Variants in PRKD1 observed in about 807,000 individuals in gnomAD.
PRKD1 encodes the protein serine/threonine-protein kinase D1.
PRKD1 carries 63 observed loss-of-function variants against 95.9 expected under a neutral mutation model. The ratio of observed to expected loss-of-function variants is 0.66; its 90% CI spans 0.54 to 0.81. The LOEUF is 0.81. PRKD1 is among the 30% of genes least tolerant of loss of function. The pLI is 0.00. For missense variants in PRKD1, 1,048 were observed against 1,165.3 expected, an observed-to-expected ratio of 0.90 and a Z score of 1.47; for synonymous variants, 425 against 423.1, an observed-to-expected ratio of 1.00 and a Z score of -0.05.
At chr14:29,770,540 T>A (rs1298999875) in intron 1 of PRKD1, among the ~76,000 whole-genome samples, 2 of 151,892 alleles carry the variant, frequency 1.3e-5, no homozygotes, top group Non-Finnish European at 2.9e-5. Context: ...GTGAAGAGTG[T>A]GGTATTGGAA....
At chr14:29,779,389 C>T (rs2139163254) in intron 1 of PRKD1, among the ~76,000 whole-genome samples, 1 of 152,288 alleles carries the variant, frequency 6.6e-6, no homozygotes, top group Non-Finnish European at 1.5e-5. Flanking sequence ...TAGAAAACCC[C>T]ATCGTCTCAG....
chr14:29,895,233 C>T (rs1894081728), intron 1 of PRKD1, among the ~76,000 whole-genome samples: 2 of 152,144 alleles, frequency 1.3e-5, no homozygotes, highest in Non-Finnish European at 2.9e-5. Flanking sequence ...AGGAGACTCG[C>T]TTGAACCCGG....
At chr14:29,848,853 T>C (rs776320826) in intron 1 of PRKD1, among the ~76,000 whole-genome samples, 1 of 152,152 alleles carries the variant, frequency 6.6e-6, no homozygotes, top group Non-Finnish European at 1.5e-5. Flanking sequence ...AAATAATATA[T>C]GGCAAAGGAT....
intron 2 of PRKD1, among the ~76,000 whole-genome samples, chr14:29,700,179 A>T (rs1884756226): frequency 6.6e-6 from 1 of 152,034 alleles, no homozygotes; most frequent in Non-Finnish European, 1.5e-5. Context: ...ACATTTCTTT[A>T]AAAAAACCAG....
At chr14:29,839,715 C>G (rs1209057713) in intron 1 of PRKD1, among the ~76,000 whole-genome samples, 1 of 151,914 alleles carries the variant, frequency 6.6e-6, no homozygotes, top group African/African-American at 2.4e-5. Flanking sequence ...CAGAGGTTTC[C>G]AAACCTCTGC....
At chr14:29,656,512 G>T (rs1336581134) in intron 4 of PRKD1, 1 of 1,535,238 alleles carries the variant, frequency 6.5e-7, no homozygotes, top group Non-Finnish European at 8.7e-7. Flanking sequence ...GAAACATGAA[G>T]TTGTAAGAGC....
At chr14:29,848,809 A>C (rs1370166138) in intron 1 of PRKD1, among the ~76,000 whole-genome samples, 1 of 152,236 alleles carries the variant, frequency 6.6e-6, no homozygotes, top group Non-Finnish European at 1.5e-5. Flanking sequence ...AAAGATGCTC[A>C]AAGAACTGAA....
chr14:29,879,656 G>C (rs945312846), intron 1 of PRKD1, among the ~76,000 whole-genome samples: 2 of 152,174 alleles, frequency 1.3e-5, no homozygotes, highest in Admixed American at 1.3e-4. Context: ...GGTTGGAACA[G>C]TTTGGAGGGC....
Position 29,675,964 on chromosome 14 carries a change from C to T in PRKD1, c.404-9756G>A, listed in dbSNP as rs548664953. On this transcript the variant is annotated intron_variant, in intron 2 of 17. Transcript: ENST00000331968. The stretch of plus-strand genomic sequence containing the variant: ...TGGACACAGGAAGGGGAACATCACA[C>T]ATCGGGGCCTGTCGTGGGGTGGGGG... Among the ~76,000 whole-genome samples the T allele has an allele frequency of 1.4e-3, 171 of 123,760 alleles. 1 individual carries two copies. Among genetic ancestry groups the T allele is most frequent in the African/African-American group, 4.8e-3 (152 of 31,722 alleles). The allele number at this position is 123,760 out of a possible 152,430, so 81.2% of individuals were successfully genotyped here.
intron 1 of PRKD1, among the ~76,000 whole-genome samples, chr14:29,856,464 T>C (rs1892507564): frequency 6.6e-6 from 1 of 152,180 alleles, no homozygotes; most frequent in African/African-American, 2.4e-5. Context: ...GGTATTTTTA[T>C]AGGGGATAAA....
chr14:29,595,787 TTTGA>T (rs1212704349), intron 16 of PRKD1, among the ~76,000 whole-genome samples: 8 of 152,112 alleles, frequency 5.3e-5, no homozygotes, highest in African/African-American at 1.9e-4. Context: ...CAGGAAAGTG[TTTGA>T]TTGGCTTCAG....
At chr14:29,782,193 T>C (rs1363777764) in intron 1 of PRKD1, among the ~76,000 whole-genome samples, 1 of 152,236 alleles carries the variant, frequency 6.6e-6, no homozygotes, top group East Asian at 1.9e-4. Context: ...TCTGATGTAC[T>C]GGTAAACATT....
chr14:29,681,325 C>T (rs916000023), intron 2 of PRKD1, among the ~76,000 whole-genome samples: 1 of 152,018 alleles, frequency 6.6e-6, no homozygotes, highest in Non-Finnish European at 1.5e-5. Flanking sequence ...CTTCCTGGCC[C>T]TTTCTGTCAC....
At chr14:29,887,043 G>A (rs942633549) in intron 1 of PRKD1, among the ~76,000 whole-genome samples, 3 of 152,184 alleles carry the variant, frequency 2.0e-5, no homozygotes, top group Non-Finnish European at 4.4e-5. Context: ...GTGTGGATTA[G>A]CATAATTTTT....
chr14:29,808,373 CTTTTTTTTTTTTTTTTTTTT>C (rs34250184), intron 1 of PRKD1, among the ~76,000 whole-genome samples: 339 of 19,984 alleles, frequency 0.017, no homozygotes, highest in African/African-American at 0.039. Flanking sequence ...TCAGGCTCTA[CTTTTTTTTTTTTTTTTTTTT>C]TTTTTTTTTT....
chr14:29,783,104 T>C (rs896214806), intron 1 of PRKD1, among the ~76,000 whole-genome samples: 1 of 152,192 alleles, frequency 6.6e-6, no homozygotes, highest in Non-Finnish European at 1.5e-5. Flanking sequence ...AATGTATTCC[T>C]TCTCTCTAGC....
intron 1 of PRKD1, among the ~76,000 whole-genome samples, chr14:29,918,261 G>A (rs1248542267): frequency 6.6e-6 from 1 of 151,928 alleles, no homozygotes; most frequent in African/African-American, 2.4e-5. Flanking sequence ...ATAATGCTGG[G>A]GAGGGAGAAA....
chr14:29,844,164 AAAAT>A (rs1422407903), intron 1 of PRKD1, among the ~76,000 whole-genome samples: 2 of 152,240 alleles, frequency 1.3e-5, no homozygotes, highest in African/African-American at 4.8e-5. Context: ...AACTTGGAAG[AAAAT>A]AAATAACTAT....
intron 1 of PRKD1, among the ~76,000 whole-genome samples, chr14:29,748,368 T>A (rs1887326834): frequency 6.6e-6 from 1 of 152,240 alleles, no homozygotes; most frequent in African/African-American, 2.4e-5. Flanking sequence ...TCAAATCACA[T>A]AAGCCAAGAA....
Sources: gnomAD v4.1 joint callset for allele counts (sites outside exome capture counted in the v4.1 genomes callset) on GRCh38, gnomAD v4.1.1 for gene constraint, MANE v1.5 for transcripts, NCBI Gene and HGNC (gene_info 2026-07-23, HGNC 2026-07-21) for gene names.